Variants in SASH1 observed in about 807,000 individuals in gnomAD.
SASH1 encodes the protein SAM and SH3 domain-containing protein 1.
Under a neutral mutation model 125.2 loss-of-function variants are expected in SASH1, and 44 were observed. That is an observed-to-expected ratio of 0.35 (90% CI 0.28 to 0.45). The LOEUF (loss-of-function observed/expected upper bound fraction) is 0.45. Among genes scored for constraint, SASH1 ranks in the 20% least tolerant of loss-of-function variants. The pLI is 1.00. For missense variants in SASH1, 1,426 were observed against 1,614.5 expected (o/e 0.88, Z 2.00); for synonymous variants, 639 against 649.1 (o/e 0.98, Z 0.24).
chr6:148,276,825 C>T (rs557100416), intron 1 of SASH1, among the ~76,000 whole-genome samples: 2 of 152,194 alleles, frequency 1.3e-5, no homozygotes, highest in East Asian at 3.9e-4. Flanking sequence ...TGGCTTGCAC[C>T]TGAAATCCAA....
chr6:148,234,246 A>G, the SASH1 span, among the ~76,000 whole-genome samples: 1 of 152,020 alleles, frequency 6.6e-6, no homozygotes, highest in African/African-American at 2.4e-5. Context: ...TTGCCTTAGA[A>G]TTACTATTTC....
chr6:148,422,962 T>C (rs1394840435), intron 2 of SASH1, among the ~76,000 whole-genome samples: 1 of 152,166 alleles, frequency 6.6e-6, no homozygotes, highest in African/African-American at 2.4e-5. Flanking sequence ...GTTTTTAAGA[T>C]GGAGTCTCGC....
Position 148,531,539 on chromosome 6 carries a change from A to G in SASH1, c.1442A>G (p.Asp481Gly). 6.5e-7 allele frequency: 1 copy of G among 1,546,682 alleles called. No individual in the cohort carries two copies. Among genetic ancestry groups the G allele is most frequent in the Non-Finnish European group, 8.7e-7 (1 of 1,144,688 alleles). The change falls in exon 13 of 20, where the codon GAT (aspartate) becomes GGT (glycine). Residue 481 changes from aspartate (D) to glycine (G), a missense_variant. Asp to Gly is a moderately conservative substitution (Grantham distance 94, BLOSUM62 -1). Around this residue, in one of 3 missense-constraint regions of SASH1, gnomAD observed 225 missense variants for 344.5 expected, o/e 0.65. Coordinates refer to ENST00000367467, the MANE Select transcript of SASH1 (RefSeq NM_015278.5). ...AACCCATGGCAGGACTCGGGCCTTGATGGAATGCCTGGCTCCCCTCCGCCT... is the reference window on the plus strand; with the variant it reads ...AACCCATGGCAGGACTCGGGCCTTGGTGGAATGCCTGGCTCCCCTCCGCCT... ...SSVSEQDSGL[D>G]GMPGSPPPSQ...
the SASH1 span, among the ~76,000 whole-genome samples, chr6:148,252,969 A>G: frequency 6.6e-6 from 1 of 152,194 alleles, no homozygotes; most frequent in Non-Finnish European, 1.5e-5. Context: ...CAGACTGAAT[A>G]ATTCAGTGGC....
intron 1 of SASH1, among the ~76,000 whole-genome samples, chr6:148,374,153 C>T (rs1450815808): frequency 6.6e-6 from 1 of 152,256 alleles, no homozygotes; most frequent in African/African-American, 2.4e-5. Flanking sequence ...CTTGTATCCA[C>T]ATCCCAGAGA....
intron 1 of SASH1, among the ~76,000 whole-genome samples, chr6:148,325,074 ACT>A (rs1190531560): frequency 2.6e-5 from 4 of 152,118 alleles, no homozygotes; most frequent in Admixed American, 2.0e-4. Flanking sequence ...GTCCATTCTC[ACT>A]CTGCTATAAA....
chr6:148,397,931 T>TA (rs1294199276), intron 2 of SASH1, among the ~76,000 whole-genome samples: 4 of 152,188 alleles, frequency 2.6e-5, no homozygotes, highest in African/African-American at 7.2e-5. Context: ...AACATACTCT[T>TA]ACCGTGCTGT....
chr6:148,454,339 C>T (rs1332284064), intron 4 of SASH1, among the ~76,000 whole-genome samples: 2 of 151,826 alleles, frequency 1.3e-5, no homozygotes, highest in Admixed American at 6.6e-5. Context: ...CGGTGAAGCA[C>T]GGAAAAAAAA....
chr6:148,358,844 T>G (rs1475170407), intron 1 of SASH1, among the ~76,000 whole-genome samples: 1 of 150,462 alleles, frequency 6.6e-6, no homozygotes, highest in African/African-American at 2.4e-5. Flanking sequence ...CACGCCATTC[T>G]CCTGCCTCAG....
chr6:148,300,673 G>C (rs1295832287), intron 1 of SASH1, among the ~76,000 whole-genome samples: 2 of 151,770 alleles, frequency 1.3e-5, no homozygotes, highest in Non-Finnish European at 2.9e-5. Flanking sequence ...AGTAAAGACG[G>C]GGTTTTACCA....
the SASH1 span, among the ~76,000 whole-genome samples, chr6:148,212,073 A>G: frequency 2.6e-5 from 4 of 152,166 alleles, no homozygotes; most frequent in African/African-American, 9.7e-5. Flanking sequence ...CGTCACTGGG[A>G]GACACTTTGA....
intron 7 of SASH1, among the ~76,000 whole-genome samples, chr6:148,484,639 G>C (rs1214366791): frequency 2.4e-5 from 3 of 125,964 alleles, no homozygotes; most frequent in African/African-American, 7.0e-5. Flanking sequence ...TGTGTAATTA[G>C]GATAATTAAA....
At chr6:148,487,292 GT>G (rs921996322) in intron 7 of SASH1, among the ~76,000 whole-genome samples, 1 of 151,816 alleles carries the variant, frequency 6.6e-6, no homozygotes, top group African/African-American at 2.4e-5. Flanking sequence ...GGAAACAGAA[GT>G]TTTGATGTTG....
the SASH1 span, among the ~76,000 whole-genome samples, chr6:148,244,000 C>A: frequency 6.6e-6 from 1 of 152,226 alleles, no homozygotes; most frequent in Admixed American, 6.5e-5. Context: ...TCTGCCTCAA[C>A]TCTGTTGGCA....
intron 1 of SASH1, among the ~76,000 whole-genome samples, chr6:148,300,352 C>T (rs768660995): frequency 1.3e-5 from 2 of 152,068 alleles, no homozygotes; most frequent in Non-Finnish European, 2.9e-5. Context: ...AATATTCTCA[C>T]CAGGTGGTCC....
intron 2 of SASH1, among the ~76,000 whole-genome samples, chr6:148,417,334 C>T (rs1185004043): frequency 6.6e-6 from 1 of 152,030 alleles, no homozygotes; most frequent in Non-Finnish European, 1.5e-5. Flanking sequence ...TGCCTGTATT[C>T]CCAGCGCTTT....
intron 2 of SASH1, 96 bp downstream of exon 2, chr6:148,390,358 T>C (rs1783650484): frequency 8.1e-7 from 1 of 1,237,268 alleles, no homozygotes; most frequent in African/African-American, 1.5e-5. Context: ...CTTCCTGGGG[T>C]ATCAATCTGT....
In SASH1 at chr6:148,543,893, A is replaced by G. The variant is rs1782377604; in HGVS notation, c.2423A>G (p.Asn808Ser). Residue 808 changes from asparagine (N) to serine (S), a missense_variant, in exon 18 of 20, where the codon AAT becomes AGT. Around this residue, in one of 3 missense-constraint regions of SASH1, gnomAD observed 634 missense variants for 694.4 expected, o/e 0.91. Transcript: ENST00000367467. ...GACCCACCTGGTGTGACTGGTTTGA[A>G]TAAAAACCGAAGAAGCCTCCCAGTT... Reference protein sequence around the residue: ...SCDPPGVTGLNKNRRSLPVSI... With the variant: ...SCDPPGVTGLSKNRRSLPVSI... The G allele has an allele frequency of 1.2e-6, 2 of 1,614,192 alleles. No individual in the cohort carries two copies. The highest frequency in any genetic ancestry group is 1.7e-6 in the Non-Finnish European group (2 of 1,180,020).
At chr6:148,296,793 A>C (rs904598117) in intron 1 of SASH1, among the ~76,000 whole-genome samples, 1 of 152,208 alleles carries the variant, frequency 6.6e-6, no homozygotes, top group Non-Finnish European at 1.5e-5. Context: ...CCCCTAGAGC[A>C]TTTAATGAGA....
Sources: allele counts gnomAD v4.1 joint callset (sites outside exome capture counted in the v4.1 genomes callset), GRCh38; gene constraint gnomAD v4.1.1; regional missense constraint gnomAD v4.1.1; transcripts MANE v1.5; gene names NCBI Gene and HGNC (gene_info 2026-07-23, HGNC 2026-07-21).